The following PTPN9 variants were observed in gnomAD, a reference collection of about 807,000 sequenced individuals.
PTPN9 encodes the protein protein tyrosine phosphatase non-receptor type 9, also known as tyrosine-protein phosphatase non-receptor type 9.
PTPN9 carries 26 observed loss-of-function variants against 69.8 expected under a neutral mutation model. The observed-to-expected ratio is 0.37, with a 90% CI of 0.27 to 0.52. The LOEUF is 0.52. Ranked by LOEUF, PTPN9 falls within the 20% of genes least tolerant of loss-of-function variation. PTPN9 has a pLI of 0.91. For synonymous variants in PTPN9, 274 were observed against 272.5 expected, an observed-to-expected ratio of 1.01 and a Z score of -0.05; for missense variants, 549 against 740.3, an observed-to-expected ratio of 0.74 and a Z score of 3.00.
intron 1 of PTPN9, among the ~76,000 whole-genome samples, chr15:75,549,900 G>A (rs1314107105): frequency 6.6e-6 from 1 of 152,000 alleles, no homozygotes; most frequent in African/African-American, 2.4e-5. Flanking sequence ...CTTAAGCATG[G>A]GAAGTTAAGG....
At chr15:75,470,447 C>T (rs1230399738) in intron 11 of PTPN9, among the ~76,000 whole-genome samples, 1 of 152,246 alleles carries the variant, frequency 6.6e-6, no homozygotes, top group Non-Finnish European at 1.5e-5. Context: ...TAAGCCATTG[C>T]ACCCAGCCCC....
intron 1 of PTPN9, among the ~76,000 whole-genome samples, chr15:75,563,364 T>C (rs2075112910): frequency 6.6e-6 from 1 of 152,140 alleles, no homozygotes; most frequent in Non-Finnish European, 1.5e-5. Flanking sequence ...AACTTTGGTA[T>C]TTTTAGTAGA....
chr15:75,477,202 T>C (rs2074600924), intron 9 of PTPN9, among the ~76,000 whole-genome samples: 1 of 152,230 alleles, frequency 6.6e-6, no homozygotes, highest in Non-Finnish European at 1.5e-5. Flanking sequence ...AGTTTGCTCA[T>C]CTATAAATTA....
In PTPN9 at chr15:75,469,907, C is replaced by T. The variant is rs375836881; in HGVS notation, c.1452G>A (p.Leu484=). ...GACTCTGCTGGTTTCTGACCACTCT[C>T]AAGAAGTCAATGAGGGAAGCTGCTG... is the stretch of plus-strand genomic sequence containing the variant. The part of the protein sequence containing the change: ...PSSAASLIDF[L]RVVRNQQSLA... The change falls in exon 12 of 13, where the codon TTG becomes TTA. Residue 484 remains leucine, a synonymous_variant. Coordinates refer to ENST00000618819, the MANE Select transcript of PTPN9 (RefSeq NM_002833.4). 9 of 1,614,098 alleles carry T rather than the reference C, an allele frequency of 5.6e-6. No individual in the cohort carries two copies. In the African/African-American group the frequency reaches 8.0e-5, roughly 14 times the overall value.
chr15:75,538,124 A>G (rs2074993042), intron 1 of PTPN9, among the ~76,000 whole-genome samples: 1 of 152,122 alleles, frequency 6.6e-6, no homozygotes, highest in Non-Finnish European at 1.5e-5. Context: ...TAGCTCTCAC[A>G]TTACAGGCTT....
At chr15:75,480,470 G>T (rs1231910205) in intron 8 of PTPN9, among the ~76,000 whole-genome samples, 1 of 151,774 alleles carries the variant, frequency 6.6e-6, no homozygotes, top group African/African-American at 2.4e-5. Flanking sequence ...CTTCCGTGAG[G>T]AGCGCAGAGG....
At chr15:75,569,262 A>G (rs1322018428) in intron 1 of PTPN9, among the ~76,000 whole-genome samples, 1 of 152,196 alleles carries the variant, frequency 6.6e-6, no homozygotes, top group Admixed American at 6.6e-5. Flanking sequence ...GACCAGCCAC[A>G]CTGCCGTAAA....
chr15:75,518,580 G>A (rs764736166), intron 4 of PTPN9, among the ~76,000 whole-genome samples: 4 of 152,058 alleles, frequency 2.6e-5, no homozygotes, highest in Non-Finnish European at 5.9e-5. Context: ...CACTTTGGGA[G>A]GCTGAAGCAG....
rs781608991 is a variant in PTPN9 at position 75,490,294 on chromosome 15, C to A, written c.976G>T (p.Gly326Ter). The change falls in exon 8 of 13, where the codon GGA (glycine) becomes TGA (stop). Residue 326 changes from glycine to a stop codon, truncating the protein, a stop_gained. Coordinates refer to ENST00000618819, the MANE Select transcript of PTPN9 (RefSeq NM_002833.4). LOFTEE classifies it high-confidence loss of function. ...CCATAACGGTTTTTCTCTAGGTTTC[C>A]TGGAGACCTGAAGGAAACGAAACAA... is the stretch of plus-strand genomic sequence containing the variant. ...VGTFHCSMSP[G>*]NLEKNRYGDV... is the part of the protein sequence containing the mutation. 1.2e-6 allele frequency: 2 copies of A among 1,608,792 alleles called. No homozygotes were observed. Among genetic ancestry groups the A allele is most frequent in the Non-Finnish European group, 1.7e-6 (2 of 1,175,196 alleles).
chr15:75,537,635 G>A (rs1248118063), intron 1 of PTPN9, among the ~76,000 whole-genome samples: 8 of 144,772 alleles, frequency 5.5e-5, no homozygotes, highest in Non-Finnish European at 1.1e-4. Context: ...CGCACCTGTA[G>A]TCCCAGCTAC....
chr15:75,562,966 T>C (rs1325954185), intron 1 of PTPN9, among the ~76,000 whole-genome samples: 2 of 152,120 alleles, frequency 1.3e-5, no homozygotes, highest in Non-Finnish European at 2.9e-5. Flanking sequence ...AGGGGGTACA[T>C]GTGCAGGTTT....
At position 75,490,212 on chromosome 15, in the gene PTPN9, G is replaced by C; in HGVS notation, c.1058C>G (p.Thr353Ser). 6.2e-7 allele frequency: 1 copy of C among 1,605,408 alleles called. No individual in the cohort carries two copies. ...RVKLTKRSGH[T>S]QTDYINASFM... is the part of the protein sequence containing the mutation. ...AGATTACATTTATCTGTCTACCTGA[G>C]TATGGCCACTTCGCTTTGTTAGCTT... Residue 353 changes from threonine to serine, a missense_variant, in exon 8 of 13, where the codon ACT (threonine) becomes AGT (serine). Physicochemically the swap from Thr to Ser is moderately conservative, Grantham distance 58. This residue lies in a region of PTPN9 where 457 missense variants were observed against 661.9 expected (regional missense o/e 0.69). Coordinates refer to ENST00000618819, the MANE Select transcript of PTPN9 (RefSeq NM_002833.4).
intron 7 of PTPN9, among the ~76,000 whole-genome samples, chr15:75,491,805 A>T (rs1307411079): frequency 6.6e-6 from 1 of 152,180 alleles, no homozygotes; most frequent in Non-Finnish European, 1.5e-5. Context: ...AGAAGGGGAG[A>T]GAAATGGGGT....
At chr15:75,520,795 G>A (rs1255315147) in intron 4 of PTPN9, among the ~76,000 whole-genome samples, 3 of 151,628 alleles carry the variant, frequency 2.0e-5, no homozygotes, top group Admixed American at 6.6e-5. Flanking sequence ...GACTACACGC[G>A]TGAGCCACCA....
chr15:75,527,152 A>C lies in PTPN9; in HGVS notation c.173T>G (p.Val58Gly), dbSNP rs745898435. 101 of 1,614,068 alleles carry C rather than the reference A, an allele frequency of 6.3e-5. No homozygotes were observed. The highest frequency in any genetic ancestry group is 1.4e-5 in the Non-Finnish European group (16 of 1,180,044). ...GTGGAACAATTCTATGGCACGGAGC[A>C]CATCAAACTTCCTTGCCATGAGGAA... ...VKFLMARKFD[V>G]LRAIELFHSY... Residue 58 changes from valine (V) to glycine (G), a missense_variant, in exon 2 of 13, where the codon GTG (valine) becomes GGG (glycine). Coordinates refer to ENST00000618819, the MANE Select transcript of PTPN9 (RefSeq NM_002833.4).
intron 1 of PTPN9, among the ~76,000 whole-genome samples, chr15:75,529,543 C>T (rs1567505640): frequency 6.6e-6 from 1 of 152,122 alleles, no homozygotes; most frequent in Non-Finnish European, 1.5e-5. Flanking sequence ...AGGTTTGCTT[C>T]GAAAGGTATA....
intron 7 of PTPN9, among the ~76,000 whole-genome samples, chr15:75,504,733 C>T (rs1365837453): frequency 1.3e-5 from 2 of 148,280 alleles, no homozygotes; most frequent in Non-Finnish European, 1.5e-5. Flanking sequence ...CGCCTCTGCC[C>T]GGCCGCCCCT....
rs767782973 is a variant in PTPN9 at position 75,466,250 on chromosome 15, TG to T, written c.*2518del. On this transcript the variant is annotated 3_prime_UTR_variant, in exon 13 of 13. Transcript: ENST00000618819. ...ATGAGATGATACCTAGAAATTACTCTGAACAGTGCCTGGAATAGAGTGAGCA... is the reference window on the plus strand; with the variant it reads ...ATGAGATGATACCTAGAAATTACTCTAACAGTGCCTGGAATAGAGTGAGCA... 1.3e-5 allele frequency: 2 copies of T among 152,328 alleles called. No homozygotes were observed. The highest frequency in any genetic ancestry group is 3.9e-4 in the East Asian group (2 of 5,182). 9.4% of individuals were successfully genotyped at this position (152,328 alleles called of 1,614,324 possible). A position where few individuals can be genotyped will look rare whatever the true frequency, so the allele number is the denominator to read the frequency against.
At chr15:75,513,465 A>C (rs2074853306) in intron 5 of PTPN9, 1 of 451,644 alleles carries the variant, frequency 2.2e-6, no homozygotes, top group African/African-American at 2.0e-5. Context: ...GACATGTCAG[A>C]TTGAGAATCA....
Sources: gnomAD v4.1 joint callset for allele counts (sites outside exome capture counted in the v4.1 genomes callset) on GRCh38, gnomAD v4.1.1 for gene constraint, gnomAD v4.1.1 regional missense constraint, MANE v1.5 for transcripts, NCBI Gene and HGNC (gene_info 2026-07-23, HGNC 2026-07-21) for gene names.